The following TRIM71 variants were observed in gnomAD, a reference collection of about 807,000 sequenced individuals.
TRIM71 encodes E3 ubiquitin-protein ligase TRIM71.
TRIM71 carries 9 observed loss-of-function variants against 61.2 expected under a neutral mutation model. The ratio of observed to expected loss-of-function variants is 0.15; its 90% CI spans 0.09 to 0.26. The LOEUF is 0.26. Among genes scored for constraint, TRIM71 ranks in the 10% least tolerant of loss-of-function variants. TRIM71 has a pLI of 1.00. For synonymous variants in TRIM71, 645 were observed against 553.2 expected (o/e 1.17, Z -2.33); for missense variants, 998 against 1,238.7 (o/e 0.81, Z 2.92).
chr3:32,881,053 C>T (rs558698830), intron 2 of TRIM71, among the ~76,000 whole-genome samples: 36 of 152,152 alleles, frequency 2.4e-4, no homozygotes, highest in African/African-American at 8.7e-4. Context: ...GAGTCTCACT[C>T]TGTTGCCCAG....
intron 1 of TRIM71, among the ~76,000 whole-genome samples, chr3:32,866,714 G>A (rs1251478805): frequency 6.6e-6 from 1 of 152,124 alleles, no homozygotes; most frequent in Non-Finnish European, 1.5e-5. Context: ...GTGGGGCCTG[G>A]TCCCACAAGC....
At chr3:32,832,223 C>G (rs1359586686) in intron 1 of TRIM71, among the ~76,000 whole-genome samples, 1 of 152,150 alleles carries the variant, frequency 6.6e-6, no homozygotes, top group African/African-American at 2.4e-5. Context: ...TCCCAGCACT[C>G]TGGGAAGCTG....
rs765463873 is a variant in TRIM71 at position 32,891,067 on chromosome 3, T to C, written c.1863T>C (p.Ile621=). The C allele has an allele frequency of 1.9e-6, 3 of 1,612,296 alleles. No individual in the cohort carries two copies. Among genetic ancestry groups the C allele is most frequent in the Non-Finnish European group, 2.5e-6 (3 of 1,179,830 alleles). Residue 621 remains isoleucine (I), a synonymous_variant, in exon 4 of 4, where the codon ATT becomes ATC. Coordinates refer to ENST00000383763, the MANE Select transcript of TRIM71 (RefSeq NM_001039111.3). The surrounding 1 kb of genome is among the most constrained non-coding windows in gnomAD (Gnocchi z 8.2). The part of the protein sequence containing the change: ...GVSVDKEGYI[I]VADRSNNRIQ... ...GTGTAGACAAGGAGGGCTACATCATTGTCGCCGACCGCAGCAACAACCGCA... is the reference window on the plus strand; with the variant it reads ...GTGTAGACAAGGAGGGCTACATCATCGTCGCCGACCGCAGCAACAACCGCA...
chr3:32,874,027 G>A, intron 2 of TRIM71, 42 bp downstream of exon 2: 1 of 1,549,018 alleles, frequency 6.5e-7, no homozygotes, highest in Non-Finnish European at 8.7e-7. Flanking sequence ...CGTGAATCGA[G>A]CCCCCCTTTC....
Position 32,891,683 on chromosome 3 carries a change from T to C in TRIM71, c.2479T>C (p.Phe827Leu), listed in dbSNP as rs1455045916. The C allele has an allele frequency of 1.2e-6, 2 of 1,614,100 alleles. No homozygotes were observed. The highest frequency in any genetic ancestry group is 3.3e-4 in the Middle Eastern group (2 of 6,062). ...RVQMFESNGS[F>L]LCKFGAQGSG... ...ACAGATGTTTGAATCCAACGGCAGCTTCCTGTGCAAGTTTGGTGCTCAAGG... is the reference window on the plus strand; with the variant it reads ...ACAGATGTTTGAATCCAACGGCAGCCTCCTGTGCAAGTTTGGTGCTCAAGG... Residue 827 changes from phenylalanine to leucine, a missense_variant, in exon 4 of 4, where the codon TTC (phenylalanine) becomes CTC (leucine). Physicochemically the swap from Phe to Leu is conservative, Grantham distance 22. Around this residue, in one of 5 missense-constraint regions of TRIM71, gnomAD observed 95 missense variants for 159.0 expected, o/e 0.60. Coordinates refer to ENST00000383763, the MANE Select transcript of TRIM71 (RefSeq NM_001039111.3). This position sits in a 1 kb window ranked among gnomAD's most constrained non-coding sequence, Gnocchi z 8.2.
intron 3 of TRIM71, among the ~76,000 whole-genome samples, chr3:32,887,876 C>A (rs1240816407): frequency 6.6e-6 from 1 of 152,152 alleles, no homozygotes; most frequent in Non-Finnish European, 1.5e-5. Flanking sequence ...CCCTCCCACC[C>A]TAAAGGGAAA....
In TRIM71 at chr3:32,828,458, A is replaced by G. The variant is rs147065604; in HGVS notation, c.852+9526A>G. Reference sequence around the variant, plus strand: ...GTTGTAAGGAGTAGAGCTGAAATATAAAGTCTCATAGCACAGTGCCCTACA... The same window carrying G: ...GTTGTAAGGAGTAGAGCTGAAATATGAAGTCTCATAGCACAGTGCCCTACA... On this transcript the variant is annotated intron_variant, in intron 1 of 3. Coordinates refer to ENST00000383763, the MANE Select transcript of TRIM71 (RefSeq NM_001039111.3). 3.4e-4 allele frequency among the ~76,000 whole-genome samples: 52 copies of G among 152,070 alleles called. No homozygotes were observed. In the East Asian group the frequency reaches 9.8e-3, roughly 29 times the overall value.
rs1697085220 is a variant in TRIM71 at position 32,896,994 on chromosome 3, C to G, written c.*5183C>G. 2 of 112,212 alleles carry G rather than the reference C, an allele frequency of 1.8e-5. No individual in the cohort carries two copies. Among genetic ancestry groups the G allele is most frequent in the South Asian group, 5.9e-4 (2 of 3,402 alleles). 7.0% of individuals were successfully genotyped at this position (112,212 alleles called of 1,614,324 possible). A position where few individuals can be genotyped will look rare whatever the true frequency, so the allele number is the denominator to read the frequency against. ...TGGTAAGATTCCTTTCTTTTTTTCCCTTTTCTCCTAAAATCGATGCAGGTA... is the reference window on the plus strand; with the variant it reads ...TGGTAAGATTCCTTTCTTTTTTTCCGTTTTCTCCTAAAATCGATGCAGGTA... On this transcript the variant is annotated 3_prime_UTR_variant, in exon 4 of 4. Transcript: ENST00000383763.
chr3:32,828,961 C>T (rs1696235145), intron 1 of TRIM71, among the ~76,000 whole-genome samples: 1 of 151,912 alleles, frequency 6.6e-6, no homozygotes, highest in African/African-American at 2.4e-5. Context: ...ACTGGGGTTA[C>T]AGGCATGAGC....
At chr3:32,873,528 G>A (rs1440536131) in intron 1 of TRIM71, among the ~76,000 whole-genome samples, 5 of 152,174 alleles carry the variant, frequency 3.3e-5, no homozygotes, top group South Asian at 2.1e-4. Flanking sequence ...TTCTGCCTTC[G>A]AAGTGTCTCT....
At chr3:32,884,716 A>T (rs867502715) in intron 2 of TRIM71, among the ~76,000 whole-genome samples, 21 of 152,154 alleles carry the variant, frequency 1.4e-4, no homozygotes, top group Admixed American at 9.8e-4. Context: ...GGTGGTGATT[A>T]TACAACACTG....
chr3:32,819,052 C>T (rs570497869), intron 1 of TRIM71, 120 bp downstream of exon 1: 6 of 1,147,530 alleles, frequency 5.2e-6, no homozygotes, highest in East Asian at 4.7e-5. Flanking sequence ...TTTGTATTTC[C>T]TTTGGCTACG....
intron 1 of TRIM71, among the ~76,000 whole-genome samples, chr3:32,855,945 T>G (rs544003063): frequency 1.5e-3 from 224 of 152,330 alleles, no homozygotes; most frequent in Non-Finnish European, 2.5e-3. Flanking sequence ...TCATTGTTGG[T>G]GCTGACTTAG....
At chr3:32,886,794 C>A (rs1470408238) in intron 3 of TRIM71, among the ~76,000 whole-genome samples, 3 of 152,184 alleles carry the variant, frequency 2.0e-5, no homozygotes, top group Non-Finnish European at 2.9e-5. Context: ...GGGGATGGCA[C>A]CTCAGTTTCT....
intron 1 of TRIM71, among the ~76,000 whole-genome samples, chr3:32,824,576 C>A (rs771598868): frequency 6.6e-4 from 100 of 152,250 alleles, no homozygotes; most frequent in Non-Finnish European, 1.2e-3. Context: ...CTTGACTTCT[C>A]AGGCTTAAGA....
intron 1 of TRIM71, among the ~76,000 whole-genome samples, chr3:32,865,975 C>A (rs957563560): frequency 6.6e-6 from 1 of 151,620 alleles, no homozygotes; most frequent in Admixed American, 6.6e-5. Context: ...TACTGATGCC[C>A]GTCACTACGC....
At chr3:32,860,532 TCC>T (rs1204551751) in intron 1 of TRIM71, among the ~76,000 whole-genome samples, 26 of 35,762 alleles carry the variant, frequency 7.3e-4, no homozygotes, top group African/African-American at 2.3e-3. Context: ...TGCCCTACTC[TCC>T]TCATTGCTCT....
At chr3:32,889,848 C>A (rs534075407) in intron 3 of TRIM71, among the ~76,000 whole-genome samples, 1 of 152,176 alleles carries the variant, frequency 6.6e-6, no homozygotes, top group South Asian at 2.1e-4. Flanking sequence ...GCTTCATCCT[C>A]CCAAAGTGCT....
intron 1 of TRIM71, among the ~76,000 whole-genome samples, chr3:32,856,245 C>A (rs1559543842): frequency 6.6e-6 from 1 of 152,146 alleles, no homozygotes; most frequent in Admixed American, 6.5e-5. Flanking sequence ...TCTCGATCTC[C>A]TGACCTCGTG....
Sources: gnomAD v4.1 joint callset for allele counts (sites outside exome capture counted in the v4.1 genomes callset) on GRCh38, gnomAD v4.1.1 for gene constraint, gnomAD v4.1.1 regional missense constraint, Gnocchi (gnomAD v3.1) non-coding constraint, MANE v1.5 for transcripts, NCBI Gene and HGNC (gene_info 2026-07-23, HGNC 2026-07-21) for gene names.